The following PEBP4 variants were observed in gnomAD, a reference collection of about 807,000 sequenced individuals.
The protein encoded by PEBP4 is phosphatidylethanolamine binding protein 4, also known as phosphatidylethanolamine-binding protein 4.
In PEBP4, 22 loss-of-function variants were observed where a neutral mutation model predicts 23.9. The ratio of observed to expected loss-of-function variants is 0.92; its 90% confidence interval spans 0.66 to 1.31. The LOEUF (loss-of-function observed/expected upper bound fraction) is 1.31, where lower values mean the gene tolerates loss of function less well. Ranked by LOEUF, PEBP4 falls within the 40% of genes most tolerant of loss-of-function variation. The pLI is 0.00. For synonymous variants in PEBP4, 112 were observed against 99.3 expected (o/e 1.13, Z -0.76); for missense variants, 324 against 281.7 (o/e 1.15, Z -1.07).
chr8:22,718,497 A>G (rs1182810677), intron 6 of PEBP4, among the ~76,000 whole-genome samples: 1 of 152,142 alleles, frequency 6.6e-6, no homozygotes, highest in African/African-American at 2.4e-5. Context: ...TTGCTTCTTG[A>G]GGAGGTCCGC....
chr8:22,738,142 C>T (rs1481517763), intron 4 of PEBP4, among the ~76,000 whole-genome samples: 5 of 152,156 alleles, frequency 3.3e-5, no homozygotes, highest in African/African-American at 9.7e-5. Flanking sequence ...GTGCGCAGAG[C>T]GAGTGGCACA....
intron 5 of PEBP4, 60 bp from the exon 6 acceptor site, chr8:22,725,016 T>G (rs1804595584): frequency 1.4e-6 from 2 of 1,403,254 alleles, no homozygotes; most frequent in Admixed American, 1.7e-5. Flanking sequence ...AGGGCAGAGC[T>G]CTCTGCCTTC....
chr8:22,926,691 A>G (rs1809342544), intron 2 of PEBP4, among the ~76,000 whole-genome samples: 1 of 152,230 alleles, frequency 6.6e-6, no homozygotes, highest in Admixed American at 6.5e-5. Flanking sequence ...ATTTTAAGAG[A>G]AGACATGTAT....
At chr8:22,777,769 T>C (rs1394081966) in intron 4 of PEBP4, among the ~76,000 whole-genome samples, 1 of 152,168 alleles carries the variant, frequency 6.6e-6, no homozygotes, top group Non-Finnish European at 1.5e-5. Context: ...GGTATTTTCC[T>C]GGCGCTAAGG....
intron 3 of PEBP4, among the ~76,000 whole-genome samples, chr8:22,855,004 A>G (rs73672924): frequency 0.44 from 8,531 of 19,388 alleles, 411 homozygotes; most frequent in South Asian, 0.49. Flanking sequence ...ATGCACGCAC[A>G]CACACACACA....
rs182895928 is a variant in PEBP4 at position 22,860,946 on chromosome 8, T to C, written c.259-43211A>G. ...TATTAGTCATCTCATTTGTAAGCTC[T>C]TGAGGACCCGGGCCACATCTGATCT... is the stretch of plus-strand genomic sequence containing the variant. On this transcript the variant is annotated intron_variant, in intron 3 of 6. Coordinates refer to ENST00000256404, the MANE Select transcript of PEBP4 (RefSeq NM_144962.3). Among the ~76,000 whole-genome samples the C allele has an allele frequency of 5.3e-5, 8 of 152,366 alleles. No individual in the cohort carries two copies. In the East Asian group the frequency reaches 1.3e-3, roughly 26 times the overall value.
intron 3 of PEBP4, among the ~76,000 whole-genome samples, chr8:22,915,124 T>C (rs1809046530): frequency 6.6e-6 from 1 of 151,992 alleles, no homozygotes; most frequent in African/African-American, 2.4e-5. Flanking sequence ...CTTAACACCT[T>C]TTAAGCCCAG....
intron 4 of PEBP4, among the ~76,000 whole-genome samples, chr8:22,752,615 C>G (rs539508363): frequency 2.0e-5 from 3 of 152,200 alleles, no homozygotes; most frequent in African/African-American, 7.2e-5. Flanking sequence ...AATCAGTCAT[C>G]GTGGAAGGGA....
At position 22,879,685 on chromosome 8, in the gene PEBP4, G is replaced by C. The variant is rs144289435; in HGVS notation, c.258+40499C>G. Among the ~76,000 whole-genome samples, 760 of 152,218 alleles carry C rather than the reference G, an allele frequency of 5.0e-3. 5 individuals are homozygous for C. Among genetic ancestry groups the C allele is most frequent in the African/African-American group, 0.017 (720 of 41,528 alleles). ...GGGAGGACAGGGAGCCTGCCCAGGGGTGCTTCACACCGGGGGAGGTGTGAT... is the reference window on the plus strand; with the variant it reads ...GGGAGGACAGGGAGCCTGCCCAGGGCTGCTTCACACCGGGGGAGGTGTGAT... On this transcript the variant is annotated intron_variant, in intron 3 of 6. Transcript: ENST00000256404.
At chr8:22,935,733 A>G (rs1809529166) in intron 1 of PEBP4, among the ~76,000 whole-genome samples, 2 of 152,198 alleles carry the variant, frequency 1.3e-5, no homozygotes, top group Admixed American at 6.5e-5. Flanking sequence ...TAAGGTATAT[A>G]TAAACATAAA....
At chr8:22,940,834 TCTC>T (rs1435139335) in intron 1 of PEBP4, among the ~76,000 whole-genome samples, 1 of 152,108 alleles carries the variant, frequency 6.6e-6, no homozygotes, top group Non-Finnish European at 1.5e-5. Flanking sequence ...GTGTTTTTTC[TCTC>T]CTCTGTCTCC....
intron 4 of PEBP4, among the ~76,000 whole-genome samples, chr8:22,797,173 G>A (rs1164064106): frequency 1.3e-5 from 2 of 149,864 alleles, no homozygotes; most frequent in African/African-American, 4.9e-5. Flanking sequence ...AGAATCGCTT[G>A]ACCCAGGAGG....
chr8:22,749,320 A>G (rs939331850), intron 4 of PEBP4, among the ~76,000 whole-genome samples: 1 of 152,176 alleles, frequency 6.6e-6, no homozygotes, highest in African/African-American at 2.4e-5. Context: ...GTGTCTCTGT[A>G]GACCTCTCTG....
At chr8:22,756,227 G>A (rs1451677664) in intron 4 of PEBP4, among the ~76,000 whole-genome samples, 3 of 152,176 alleles carry the variant, frequency 2.0e-5, no homozygotes, top group African/African-American at 7.2e-5. Flanking sequence ...AACAGCTGGC[G>A]CCTCCTTCTG....
At chr8:22,798,549 G>A (rs1406768053) in intron 4 of PEBP4, 1 of 153,294 alleles carries the variant, frequency 6.5e-6, no homozygotes, top group East Asian at 1.9e-4. Flanking sequence ...CCACAATTAA[G>A]GCTCTGGGCC....
intron 6 of PEBP4, among the ~76,000 whole-genome samples, chr8:22,718,796 G>A (rs764970263): frequency 1.1e-4 from 16 of 152,110 alleles, no homozygotes; most frequent in Non-Finnish European, 1.6e-4. Flanking sequence ...GCAGTCTGAG[G>A]GCGGGGGCTG....
At chr8:22,750,449 T>C (rs1805231191) in intron 4 of PEBP4, among the ~76,000 whole-genome samples, 1 of 152,214 alleles carries the variant, frequency 6.6e-6, no homozygotes, top group Non-Finnish European at 1.5e-5. Context: ...CCTAGGGGCT[T>C]GGATGTGCAT....
intron 4 of PEBP4, among the ~76,000 whole-genome samples, chr8:22,777,665 G>T (rs958663713): frequency 6.6e-6 from 1 of 152,170 alleles, no homozygotes; most frequent in African/African-American, 2.4e-5. Flanking sequence ...AGAGCCGGGG[G>T]TGGTGGCTGG....
chr8:22,728,565 TTC>T (rs1563196351), intron 4 of PEBP4, among the ~76,000 whole-genome samples: 1,229 of 79,106 alleles, frequency 0.016, 7 homozygotes, highest in African/African-American at 0.028. Context: ...TCTTTCTTCC[TTC>T]CTTCCTTCCT....
Sources: allele counts gnomAD v4.1 joint callset (sites outside exome capture counted in the v4.1 genomes callset), GRCh38; gene constraint gnomAD v4.1.1; transcripts MANE v1.5; gene names NCBI Gene and HGNC (gene_info 2026-07-23, HGNC 2026-07-21).